Variants in SART3 observed in about 807,000 individuals in gnomAD.
SART3 encodes HIV-1 Tat-interacting protein of 110kDa.
SART3 carries 44 observed loss-of-function variants against 122.3 expected under a neutral mutation model. The ratio of observed to expected loss-of-function variants is 0.36; its 90% CI spans 0.28 to 0.46. The LOEUF (loss-of-function observed/expected upper bound fraction) is 0.46. Ranked by LOEUF, SART3 falls within the 20% of genes least tolerant of loss-of-function variation. SART3 has a pLI of 1.00. For synonymous variants in SART3, 442 were observed against 454.0 expected, an observed-to-expected ratio of 0.97 and a Z score of 0.34; for missense variants, 1,101 against 1,229.0, an observed-to-expected ratio of 0.90 and a Z score of 1.56.
chr12:108,542,954 C>A, intron 6 of SART3, 74 bp downstream of exon 6: 5 of 1,564,368 alleles, frequency 3.2e-6, no homozygotes, highest in East Asian at 2.2e-5. Context: ...TTTAAAGATA[C>A]TGTTTAACTC....
intron 5 of SART3, among the ~76,000 whole-genome samples, chr12:108,543,791 G>A (rs988098896): frequency 1.2e-4 from 18 of 152,160 alleles, no homozygotes; most frequent in African/African-American, 2.2e-4. Context: ...ACACATGCCC[G>A]TGTCTAGGGA....
At chr12:108,533,413 C>G (rs1428757798) in intron 12 of SART3, among the ~76,000 whole-genome samples, 2 of 145,652 alleles carry the variant, frequency 1.4e-5, no homozygotes, top group African/African-American at 5.0e-5. Context: ...AAGCATATTA[C>G]TGTTTGAGTT....
At chr12:108,526,637 C>T (rs1248999042) in intron 15 of SART3, 84 bp from the exon 16 acceptor site, 2 of 1,393,404 alleles carry the variant, frequency 1.4e-6, no homozygotes, top group East Asian at 2.3e-5. Flanking sequence ...AGTGAAAGTG[C>T]TGTGACAGCT....
At chr12:108,538,040 A>G in intron 8 of SART3, 25 bp downstream of exon 8, 1 of 1,614,060 alleles carries the variant, frequency 6.2e-7, no homozygotes, top group Non-Finnish European at 8.5e-7. Flanking sequence ...ATAGCTTAGA[A>G]GTTCTCCCAC....
chr12:108,560,794 C>A (rs1226785038), intron 1 of SART3, 49 bp downstream of exon 1: 1 of 1,526,400 alleles, frequency 6.6e-7, no homozygotes, highest in South Asian at 1.2e-5. Flanking sequence ...CATGGGGACC[C>A]GAGGACCTGA....
intron 12 of SART3, chr12:108,532,634 C>CG (rs1872729375): frequency 5.4e-6 from 2 of 372,348 alleles, no homozygotes; most frequent in South Asian, 2.1e-5. Flanking sequence ...CGGCACATGG[C>CG]GGGGGAGTCC....
Position 108,522,485 on chromosome 12 carries a change from G to A in SART3, c.*972C>T, listed in dbSNP as rs531692855. ...GTAAATATTATTTGATAAAAGATGT[G>A]AGGTAAAAAAGCTCAAAAGCTCCAG... is the stretch of plus-strand genomic sequence containing the variant. On this transcript the variant is annotated 3_prime_UTR_variant, in exon 19 of 19. Transcript: ENST00000546815. 14 of 152,282 alleles carry A rather than the reference G, an allele frequency of 9.2e-5. No homozygotes were observed. The highest frequency in any genetic ancestry group is 3.1e-4 in the African/African-American group (13 of 41,566). The allele number at this position is 152,282 out of a possible 1,614,324, so 9.4% of individuals were successfully genotyped here.
chr12:108,542,907 T>C, intron 6 of SART3, 121 bp downstream of exon 6: 1 of 1,312,900 alleles, frequency 7.6e-7, no homozygotes, highest in Non-Finnish European at 1.1e-6. Context: ...ACTGTACGTA[T>C]ACATTTATAC....
intron 17 of SART3, chr12:108,524,929 T>C (rs984182656): frequency 6.3e-6 from 2 of 315,678 alleles, no homozygotes; most frequent in African/African-American, 4.3e-5. Flanking sequence ...TTTCTCTCCA[T>C]TAACCTGGAT....
intron 1 of SART3, chr12:108,560,108 T>C (rs1214654029): frequency 6.6e-6 from 1 of 152,298 alleles, no homozygotes; most frequent in African/African-American, 2.4e-5. Flanking sequence ...AATTTAAATG[T>C]GCCACCTATT....
chr12:108,535,485 G>T lies in SART3; in HGVS notation c.1447-17C>A, dbSNP rs776642522. ...CAGTCGAGCCTAAAGTGCATCAGCA[G>T]GCTGTTAGGAGACCTGAACCTTATG... On this transcript the variant is annotated splice_polypyrimidine_tract_variant and intron_variant, in intron 11 of 18. Coordinates refer to ENST00000546815, the MANE Select transcript of SART3 (RefSeq NM_014706.4). 11 of 1,605,976 alleles carry T rather than the reference G, an allele frequency of 6.8e-6. No homozygotes were observed. The highest frequency in any genetic ancestry group is 7.7e-6 in the Non-Finnish European group (9 of 1,172,622).
intron 14 of SART3, 106 bp downstream of exon 14, chr12:108,531,098 T>G: frequency 1.2e-6 from 1 of 822,534 alleles, no homozygotes; most frequent in African/African-American, 1.7e-5. Flanking sequence ...TAATACTGAG[T>G]AAAAGACACT....
rs1196680249 is a variant in SART3, at chr12:108,523,141, C to T, written c.*316G>A. ...CCGGAGCTGGCCAGAAACATTTGGACAACTGTGTCTCAAAAACAGTGTGTT... is the reference window on the plus strand; with the variant it reads ...CCGGAGCTGGCCAGAAACATTTGGATAACTGTGTCTCAAAAACAGTGTGTT... On this transcript the variant is annotated 3_prime_UTR_variant, in exon 19 of 19. Coordinates refer to ENST00000546815, the MANE Select transcript of SART3 (RefSeq NM_014706.4). 3.1e-5 allele frequency: 14 copies of T among 449,826 alleles called. No homozygotes were observed. The highest frequency in any genetic ancestry group is 5.3e-5 in the Non-Finnish European group (13 of 245,154). 27.9% of individuals were successfully genotyped at this position (449,826 alleles called of 1,614,324 possible). A position where few individuals can be genotyped will look rare whatever the true frequency, so the allele number is the denominator to read the frequency against.
chr12:108,545,983 A>AAAAC (rs1555205887), intron 3 of SART3, among the ~76,000 whole-genome samples: 13 of 151,586 alleles, frequency 8.6e-5, no homozygotes, highest in Middle Eastern at 3.4e-3. Context: ...AAAAAAAAAA[A>AAAAC]ACACACATAT....
At chr12:108,558,929 G>C (rs905117069) in intron 1 of SART3, among the ~76,000 whole-genome samples, 1 of 151,454 alleles carries the variant, frequency 6.6e-6, no homozygotes, top group African/African-American at 2.4e-5. Flanking sequence ...GCTACTCGGG[G>C]GGCTGAGGCA....
rs375395577 is a variant in SART3 at position 108,538,992 on chromosome 12, C to T, written c.1004G>A (p.Arg335His). Residue 335 changes from arginine (R) to histidine (H), a missense_variant, in exon 7 of 19, where the codon CGC becomes CAC. Arg to His is a conservative substitution (Grantham distance 29). Coordinates refer to ENST00000546815, the MANE Select transcript of SART3 (RefSeq NM_014706.4). ...DPARIQLIFERALVENCLVPD... is the reference protein window; with the variant it reads ...DPARIQLIFEHALVENCLVPD... ...GACAAGGCAGTTCTCGACCAGGGCGCGCTCAAAGATCAACTGAATGCGAGC... is the reference window on the plus strand; with the variant it reads ...GACAAGGCAGTTCTCGACCAGGGCGTGCTCAAAGATCAACTGAATGCGAGC... 10 of 1,614,196 alleles carry T rather than the reference C, an allele frequency of 6.2e-6. No homozygotes were observed. Among genetic ancestry groups the T allele is most frequent in the Admixed American group, 1.7e-5 (1 of 60,032 alleles).
intron 5 of SART3, 120 bp downstream of exon 5, chr12:108,544,307 A>G (rs1392546488): frequency 3.4e-6 from 3 of 875,702 alleles, no homozygotes; most frequent in Admixed American, 3.4e-5. Context: ...ATCCAAGGAG[A>G]GTAAGAACAC....
chr12:108,523,413 G>T lies in SART3; in HGVS notation c.*44C>A, dbSNP rs199703894. On this transcript the variant is annotated 3_prime_UTR_variant, in exon 19 of 19. Coordinates refer to ENST00000546815, the MANE Select transcript of SART3 (RefSeq NM_014706.4). Reference sequence around the variant, plus strand: ...ACTGCTGGGTGGTGGGAGGTCCGCCGGGCCAGAGTGAAGTAAGGCATTTCC... The same window carrying T: ...ACTGCTGGGTGGTGGGAGGTCCGCCTGGCCAGAGTGAAGTAAGGCATTTCC... 4 of 1,605,276 alleles carry T rather than the reference G, an allele frequency of 2.5e-6. No homozygotes were observed. The highest frequency in any genetic ancestry group is 2.2e-5 in the East Asian group (1 of 44,852).
At chr12:108,550,816 C>A (rs1229795704) in intron 1 of SART3, among the ~76,000 whole-genome samples, 1 of 152,004 alleles carries the variant, frequency 6.6e-6, no homozygotes, top group African/African-American at 2.4e-5. Flanking sequence ...GAGCAGAGAT[C>A]CAGCCTGGGT....
Sources: gnomAD v4.1 joint callset for allele counts (sites outside exome capture counted in the v4.1 genomes callset) on GRCh38, gnomAD v4.1.1 for gene constraint, MANE v1.5 for transcripts, NCBI Gene and HGNC (gene_info 2026-07-23, HGNC 2026-07-21) for gene names.